SMIM23: variants seen among roughly 807,000 people sequenced by gnomAD.
The protein encoded by SMIM23 is small integral membrane protein 23.
Under a neutral mutation model 12.8 loss-of-function variants are expected in SMIM23, and 10 were observed. The ratio of observed to expected loss-of-function variants is 0.78; its 90% CI spans 0.48 to 1.32. SMIM23 has a LOEUF of 1.32. Ranked by LOEUF, SMIM23 falls within the 40% of genes most tolerant of loss-of-function variation. SMIM23 has a pLI of 0.00. For synonymous variants in SMIM23, 78 were observed against 80.1 expected (o/e 0.97, Z 0.14); for missense variants, 184 against 198.2 (o/e 0.93, Z 0.43).
chr5:171,779,552 A>T (rs1339083733), upstream of SMIM23, among the ~76,000 whole-genome samples: 1 of 152,080 alleles, frequency 6.6e-6, no homozygotes, highest in East Asian at 1.9e-4. Flanking sequence ...CCCTCCAGCT[A>T]GCCAAAAACA....
At chr5:171,779,871 AGGG>A (rs1755699871), upstream of SMIM23, among the ~76,000 whole-genome samples, 1 of 151,282 alleles carries the variant, frequency 6.6e-6, no homozygotes, top group Non-Finnish European at 1.5e-5. Context: ...GAGAGGGAGA[AGGG>A]GGGAAGAGAG....
chr5:171,774,422 C>CCCAG, the SMIM23 span: 3 of 456,198 alleles, frequency 6.6e-6, no homozygotes, highest in Admixed American at 7.0e-5. Context: ...AATATGGGAA[C>CCCAG]CCAGGTCTGC....
the SMIM23 span, chr5:171,773,800 AAAAGCCGTG>A: frequency 2.2e-6 from 1 of 456,178 alleles, no homozygotes; most frequent in Non-Finnish European, 4.4e-6. Context: ...ATTCTTCAAG[AAAAGCCGTG>A]AAATCTAGAT....
upstream of SMIM23, among the ~76,000 whole-genome samples, chr5:171,783,165 A>G (rs1165112849): frequency 2.6e-5 from 4 of 152,344 alleles, no homozygotes; most frequent in African/African-American, 9.6e-5. Context: ...GAAACGGAAG[A>G]CCTAAATAAA....
the SMIM23 span, among the ~76,000 whole-genome samples, chr5:171,775,840 T>C: frequency 6.6e-6 from 1 of 152,002 alleles, no homozygotes; most frequent in Admixed American, 6.5e-5. Context: ...TTTTTTCCCT[T>C]ACGACAACCC....
At position 171,791,020 on chromosome 5, in the gene SMIM23, G is replaced by A. The variant is rs1287417701; in HGVS notation, c.451G>A (p.Ala151Thr). 1.4e-5 allele frequency: 22 copies of A among 1,534,206 alleles called. No individual in the cohort carries two copies. Among genetic ancestry groups the A allele is most frequent in the Non-Finnish European group, 1.8e-5 (21 of 1,146,498 alleles). ...YKSHLWEWAW[A>T]LGREHKGGEG... is the part of the protein sequence containing the mutation. ...AAGTCACTTGTGGGAGTGGGCCTGGGCCCTGGGGAGAGAGCACAAAGGTGG... is the reference window on the plus strand; with the variant it reads ...AAGTCACTTGTGGGAGTGGGCCTGGACCCTGGGGAGAGAGCACAAAGGTGG... The change falls in exon 4 of 4, where the codon GCC becomes ACC. Residue 151 changes from alanine (A) to threonine (T), a missense_variant. Physicochemically the swap from Ala to Thr is moderately conservative, Grantham distance 58. Transcript: ENST00000523047.
At chr5:171,777,436 G>A (rs987784903), upstream of SMIM23, among the ~76,000 whole-genome samples, 7 of 152,198 alleles carry the variant, frequency 4.6e-5, no homozygotes, top group Non-Finnish European at 8.8e-5. Flanking sequence ...TCTGGTTACG[G>A]GGCATGCAGA....
chr5:171,779,782 G>A (rs570570249), upstream of SMIM23, among the ~76,000 whole-genome samples: 2 of 152,142 alleles, frequency 1.3e-5, no homozygotes, highest in Admixed American at 1.3e-4. Flanking sequence ...GCAGGAGTGG[G>A]AATGAAGCGA....
chr5:171,773,628 C>A, the SMIM23 span: 1 of 359,240 alleles, frequency 2.8e-6, no homozygotes, highest in Non-Finnish European at 5.4e-6. Context: ...ATGAGACAAC[C>A]AAATAGAGGG....
chr5:171,777,491 G>A (rs1177562887), upstream of SMIM23, among the ~76,000 whole-genome samples: 2 of 152,224 alleles, frequency 1.3e-5, no homozygotes, highest in African/African-American at 2.4e-5. Flanking sequence ...GCAAGCCTAT[G>A]CCAAGGCTGT....
At chr5:171,778,853 G>C (rs1269503795), upstream of SMIM23, among the ~76,000 whole-genome samples, 8 of 152,284 alleles carry the variant, frequency 5.3e-5, no homozygotes, top group East Asian at 3.9e-4. Flanking sequence ...ATTCCTTTCT[G>C]GTTCAGTGTC....
chr5:171,790,125 T>C (rs1003718995), intron 1 of SMIM23, 105 bp from the exon 2 acceptor site: 1 of 1,123,300 alleles, frequency 8.9e-7, no homozygotes, highest in Non-Finnish European at 1.3e-6. Flanking sequence ...CTCAAAAAAC[T>C]GTCTTATAAG....
chr5:171,785,950 G>A lies in SMIM23; in HGVS notation c.79G>A (p.Gly27Ser), dbSNP rs2113648854. ...AGCCCAGCTGCTTGAACGGAGAAGGGGCAGCCACTGTGATGACGAGAAGCA... is the reference window on the plus strand; with the variant it reads ...AGCCCAGCTGCTTGAACGGAGAAGGAGCAGCCACTGTGATGACGAGAAGCA... ...VAAQLLERRRGSHCDDEKQTL... is the reference protein window; with the variant it reads ...VAAQLLERRRSSHCDDEKQTL... The change falls in exon 1 of 4, where the codon GGC becomes AGC. Residue 27 changes from glycine to serine, a missense_variant. Transcript: ENST00000523047. 3 of 1,536,266 alleles carry A rather than the reference G, an allele frequency of 2.0e-6. No homozygotes were observed. Among genetic ancestry groups the A allele is most frequent in the Admixed American group, 2.0e-5 (1 of 51,002 alleles).
rs1320173433 is a variant in SMIM23, at chr5:171,785,897, G to C, written c.26G>C (p.Arg9Thr). The C allele has an allele frequency of 6.5e-7, 1 of 1,536,292 alleles. No individual in the cohort carries two copies. The highest frequency in any genetic ancestry group is 1.2e-5 in the South Asian group (1 of 84,066). The change falls in exon 1 of 4, where the codon AGA becomes ACA. Residue 9 changes from arginine to threonine, a missense_variant. By Grantham distance (71) the Arg-to-Thr change is moderately conservative. Transcript: ENST00000523047. ...ATGGCAACCCAGCAAGTGGACAGCAGAAGGCAGGTGGCAGCAGAGCAGGTG... is the reference window on the plus strand; with the variant it reads ...ATGGCAACCCAGCAAGTGGACAGCACAAGGCAGGTGGCAGCAGAGCAGGTG... MATQQVDS[R>T]RQVAAEQVAA...
chr5:171,773,925 C>T, the SMIM23 span: 1 of 440,660 alleles, frequency 2.3e-6, no homozygotes, highest in Non-Finnish European at 4.5e-6. Flanking sequence ...GAGGACTACA[C>T]CAAGGAGGTG....
the SMIM23 span, among the ~76,000 whole-genome samples, chr5:171,777,320 C>T: frequency 4.1e-3 from 626 of 152,326 alleles, 2 homozygotes; most frequent in African/African-American, 0.014. Context: ...TACAGAGCAG[C>T]ATCGCCAGAG....
the SMIM23 span, among the ~76,000 whole-genome samples, chr5:171,776,384 C>T: frequency 6.6e-6 from 1 of 152,152 alleles, no homozygotes. Context: ...TCACGTACAT[C>T]GTCACTCTTG....
At chr5:171,783,061 G>A (rs561466509), upstream of SMIM23, among the ~76,000 whole-genome samples, 1 of 152,268 alleles carries the variant, frequency 6.6e-6, no homozygotes, top group East Asian at 1.9e-4. Flanking sequence ...TATAAGGAAA[G>A]TCCAAAGAAT....
At chr5:171,790,677 T>C in intron 3 of SMIM23, 118 bp from the exon 4 acceptor site, 1 of 1,377,640 alleles carries the variant, frequency 7.3e-7, no homozygotes, top group South Asian at 1.3e-5. Flanking sequence ...GAACAGGTAC[T>C]ACGAGCACAA....
Sources: allele counts gnomAD v4.1 joint callset (sites outside exome capture counted in the v4.1 genomes callset), GRCh38; gene constraint gnomAD v4.1.1; transcripts MANE v1.5; gene names NCBI Gene and HGNC (gene_info 2026-07-23, HGNC 2026-07-21).